The following SSMEM1 variants were observed in gnomAD, a reference collection of about 807,000 sequenced individuals.
SSMEM1 encodes serine-rich single-pass membrane protein 1.
A neutral mutation model predicts 9.9 loss-of-function variants in SSMEM1; 12 were observed. That is an observed-to-expected ratio of 1.21 (90% CI 0.78 to 1.96). SSMEM1 has a LOEUF of 1.96. Ranked by LOEUF, SSMEM1 falls within the 30% of genes most tolerant of loss-of-function variation. The pLI is 0.00. For missense variants in SSMEM1, 259 were observed against 292.2 expected, an observed-to-expected ratio of 0.89 and a Z score of 0.83; for synonymous variants, 96 against 98.9, an observed-to-expected ratio of 0.97 and a Z score of 0.17.
chr7:130,216,552 G>C lies in SSMEM1; in HGVS notation c.*82G>C. The C allele has an allele frequency of 6.7e-7, 1 of 1,487,222 alleles. No individual in the cohort carries two copies. Among genetic ancestry groups the C allele is most frequent in the Non-Finnish European group, 9.0e-7 (1 of 1,106,062 alleles). The allele number at this position is 1,487,222 out of a possible 1,614,324, so 92.1% of individuals were successfully genotyped here. A position where few individuals can be genotyped will look rare whatever the true frequency, so the allele number is the denominator to read the frequency against. On this transcript the variant is annotated 3_prime_UTR_variant, in exon 3 of 3. Transcript: ENST00000297819. ...AAAAATCACCAGAGCTATAGGTGAGGAGACTTTTACAACAAAGTCTCTCTA... is the reference window on the plus strand; with the variant it reads ...AAAAATCACCAGAGCTATAGGTGAGCAGACTTTTACAACAAAGTCTCTCTA...
At position 130,216,189 on chromosome 7, in the gene SSMEM1, A is replaced by C; in HGVS notation, c.454A>C (p.Ser152Arg). The C allele has an allele frequency of 6.2e-7, 1 of 1,614,198 alleles. No homozygotes were observed. The highest frequency in any genetic ancestry group is 1.1e-5 in the South Asian group (1 of 91,084). Residue 152 changes from serine (S) to arginine (R), a missense_variant, in exon 3 of 3, where the codon AGT (serine) becomes CGT (arginine). Ser to Arg is a moderately radical substitution (Grantham distance 110, BLOSUM62 -1). Coordinates refer to ENST00000297819, the MANE Select transcript of SSMEM1 (RefSeq NM_145268.4). The stretch of plus-strand genomic sequence containing the variant: ...TGACAGTGATACTACGGAGTATGGC[A>C]GTGAAGAGTCTAACTCAGAAGCCTC... The part of the protein sequence containing the change: ...QHDSDTTEYG[S>R]EESNSEASSW...
At chr7:130,212,255 T>C (rs1798605179) in intron 1 of SSMEM1, among the ~76,000 whole-genome samples, 1 of 152,212 alleles carries the variant, frequency 6.6e-6, no homozygotes, top group Admixed American at 6.5e-5. Context: ...AGAAATCCAT[T>C]TCTTTTGGTT....
intron 2 of SSMEM1, among the ~76,000 whole-genome samples, chr7:130,215,262 C>A (rs890475726): frequency 6.6e-6 from 1 of 152,116 alleles, no homozygotes. Flanking sequence ...CGAGATCGTG[C>A]CACTGCACTC....
intron 1 of SSMEM1, among the ~76,000 whole-genome samples, chr7:130,211,814 G>C (rs1358863813): frequency 6.6e-6 from 1 of 152,062 alleles, no homozygotes; most frequent in Non-Finnish European, 1.5e-5. Context: ...CGCTCAAGCT[G>C]TATATACAAA....
At position 130,216,400 on chromosome 7, in the gene SSMEM1, C is replaced by T. The variant is rs149669717; in HGVS notation, c.665C>T (p.Pro222Leu). ...TCCCGACAGAAGCCTTCAGTAACACCGCCAATGAAAAGAGACAGTCAAGAG... is the reference window on the plus strand; with the variant it reads ...TCCCGACAGAAGCCTTCAGTAACACTGCCAATGAAAAGAGACAGTCAAGAG... Reference protein sequence around the residue: ...HHSRQKPSVTPPMKRDSQEES... With the variant: ...HHSRQKPSVTLPMKRDSQEES... Residue 222 changes from proline to leucine, a missense_variant, in exon 3 of 3, where the codon CCG becomes CTG. Physicochemically the swap from Pro to Leu is moderately conservative, Grantham distance 98 (BLOSUM62 -3). Coordinates refer to ENST00000297819, the MANE Select transcript of SSMEM1 (RefSeq NM_145268.4). The T allele has an allele frequency of 2.6e-4, 414 of 1,614,120 alleles. 1 individual carries two copies. The African/African-American group carries it at 4.7e-3, about 18-fold the overall frequency.
chr7:130,216,473 T>G lies in SSMEM1; in HGVS notation c.*3T>G, dbSNP rs1245076570. 5 of 1,607,374 alleles carry G rather than the reference T, an allele frequency of 3.1e-6. No homozygotes were observed. In the African/African-American group the frequency reaches 5.4e-5, roughly 17 times the overall value. On this transcript the variant is annotated 3_prime_UTR_variant, in exon 3 of 3. Coordinates refer to ENST00000297819, the MANE Select transcript of SSMEM1 (RefSeq NM_145268.4). ...ACAAGAAATTTAGTAAATTTTGAAT[T>G]TTATCACGTTCTTCCTTCACTTGAA...
At chr7:130,215,715 C>T (rs1338338525) in intron 2 of SSMEM1, among the ~76,000 whole-genome samples, 1 of 152,082 alleles carries the variant, frequency 6.6e-6, no homozygotes, top group African/African-American at 2.4e-5. Flanking sequence ...TTCCTTTGAC[C>T]TTATGTTTAG....
upstream of SSMEM1, chr7:130,206,961 G>A (rs1008226504): frequency 1.1e-5 from 2 of 179,790 alleles, no homozygotes; most frequent in East Asian, 1.9e-4. Context: ...ATTCCAGTCT[G>A]GGCGACAGAG....
At chr7:130,213,670 A>T in intron 2 of SSMEM1, 136 bp downstream of exon 2, 1 of 306,070 alleles carries the variant, frequency 3.3e-6, no homozygotes, top group East Asian at 6.6e-5. Context: ...CCACAGCTTG[A>T]GAACATAGTG....
upstream of SSMEM1, chr7:130,205,526 G>C: frequency 8.0e-7 from 1 of 1,255,956 alleles, no homozygotes; most frequent in Non-Finnish European, 1.1e-6. Context: ...CGCAGGCCCA[G>C]GCGCTCGGAG....
chr7:130,208,233 A>C (rs2117053651), intron 1 of SSMEM1, 140 bp downstream of exon 1: 1 of 814,000 alleles, frequency 1.2e-6, no homozygotes, highest in Non-Finnish European at 1.8e-6. Context: ...TATTCTGGAG[A>C]ATCCAGGAAT....
intron 2 of SSMEM1, 31 bp downstream of exon 2, chr7:130,213,565 T>C (rs748790478): frequency 1.3e-6 from 2 of 1,598,036 alleles, no homozygotes; most frequent in Non-Finnish European, 1.7e-6. Context: ...GGTGTTGGAC[T>C]ATGAGGGGAA....
chr7:130,205,415 T>C (rs761534953), upstream of SSMEM1: 2 of 1,613,522 alleles, frequency 1.2e-6, no homozygotes, highest in South Asian at 2.2e-5. Context: ...CCACTCTCTC[T>C]GGGCATGCGC....
upstream of SSMEM1, chr7:130,205,598 C>A: frequency 1.6e-6 from 1 of 629,218 alleles, no homozygotes; most frequent in Non-Finnish European, 2.8e-6. Context: ...GAAAGCTAAG[C>A]AGCAAAATTC....
intron 2 of SSMEM1, among the ~76,000 whole-genome samples, chr7:130,214,875 C>T (rs1422702220): frequency 6.6e-6 from 1 of 152,194 alleles, no homozygotes; most frequent in Non-Finnish European, 1.5e-5. Flanking sequence ...TCAACAAAGC[C>T]ATACATCAAG....
Position 130,216,692 on chromosome 7 carries a change from A to G in SSMEM1, c.*222A>G. ...CACCATTGGAACACCAAAGATCTAT[A>G]TCTGCTATGATTTTTTTATTTGAAA... On this transcript the variant is annotated 3_prime_UTR_variant, in exon 3 of 3. Coordinates refer to ENST00000297819, the MANE Select transcript of SSMEM1 (RefSeq NM_145268.4). The G allele has an allele frequency of 1.8e-6, 1 of 545,822 alleles. No homozygotes were observed. The highest frequency in any genetic ancestry group is 2.5e-5 in the South Asian group (1 of 40,058). The allele number at this position is 545,822 out of a possible 1,614,324, so 33.8% of individuals were successfully genotyped here.
chr7:130,207,375 G>T (rs1030843653), upstream of SSMEM1, among the ~76,000 whole-genome samples: 1 of 152,138 alleles, frequency 6.6e-6, no homozygotes, highest in Non-Finnish European at 1.5e-5. Context: ...GTGAATCCTT[G>T]CTGTCTTCTT....
At position 130,216,136 on chromosome 7, in the gene SSMEM1, A is replaced by G; in HGVS notation, c.401A>G (p.Gln134Arg). Residue 134 changes from glutamine to arginine, a missense_variant, in exon 3 of 3, where the codon CAG becomes CGG. Gln to Arg is a conservative substitution (Grantham distance 43). Transcript: ENST00000297819. The stretch of plus-strand genomic sequence containing the variant: ...CAAAGACGAGCCAGGCGCCAGTCTC[A>G]GTTCAATGAGGTGAACCAGAACCAA... Reference protein sequence around the residue: ...PEQRRARRQSQFNEVNQNQHD... With the variant: ...PEQRRARRQSRFNEVNQNQHD... The G allele has an allele frequency of 3.7e-6, 6 of 1,614,250 alleles. No individual in the cohort carries two copies. The highest frequency in any genetic ancestry group is 5.1e-6 in the Non-Finnish European group (6 of 1,180,040).
Position 130,213,545 on chromosome 7 carries a change from G to T in SSMEM1, c.238+11G>T, listed in dbSNP as rs776634743. On this transcript the variant is annotated intron_variant, in intron 2 of 2. Transcript: ENST00000297819. Reference sequence around the variant, plus strand: ...CTTCAGTAAGGAAAGGTGAGAACCAGTGCATATTTGGTGTTGGACTATGAG... The same window carrying T: ...CTTCAGTAAGGAAAGGTGAGAACCATTGCATATTTGGTGTTGGACTATGAG... 6.2e-7 allele frequency: 1 copy of T among 1,610,464 alleles called. No individual in the cohort carries two copies. Among genetic ancestry groups the T allele is most frequent in the Non-Finnish European group, 8.5e-7 (1 of 1,177,726 alleles).
Sources: allele counts gnomAD v4.1 joint callset (sites outside exome capture counted in the v4.1 genomes callset), GRCh38; gene constraint gnomAD v4.1.1; transcripts MANE v1.5; gene names NCBI Gene and HGNC (gene_info 2026-07-23, HGNC 2026-07-21).